The following CRB1 variants were observed in gnomAD, a reference collection of about 807,000 sequenced individuals.
CRB1 encodes the protein crumbs cell polarity complex component 1, also known as protein crumbs homolog 1.
Under a neutral mutation model 120.0 loss-of-function variants are expected in CRB1, and 83 were observed. That is an observed-to-expected ratio of 0.69 (90% CI 0.58 to 0.83). The LOEUF (loss-of-function observed/expected upper bound fraction) is 0.83. CRB1 is among the 40% of genes least tolerant of loss of function. CRB1 has a pLI of 0.00. For missense variants in CRB1, 1,699 were observed against 1,687.6 expected (o/e 1.01, Z -0.12); for synonymous variants, 625 against 612.5 (o/e 1.02, Z -0.30).
At chr1:197,434,599 G>A in intron 8 of CRB1, 107 bp from the exon 9 acceptor site, 1 of 1,017,410 alleles carries the variant, frequency 9.8e-7, no homozygotes, top group Non-Finnish European at 1.5e-6. Context: ...GTATCAAATA[G>A]TCAATATGCA....
chr1:197,470,229 G>T (rs925053394), intron 11 of CRB1, among the ~76,000 whole-genome samples: 7 of 152,176 alleles, frequency 4.6e-5, no homozygotes, highest in Admixed American at 4.6e-4. Flanking sequence ...ATCTGCACCT[G>T]AATGGGGCTT....
chr1:197,283,845 T>G (rs1466808071), intron 1 of CRB1, among the ~76,000 whole-genome samples: 1 of 151,510 alleles, frequency 6.6e-6, no homozygotes, highest in African/African-American at 2.4e-5. Context: ...ATAATTTAGT[T>G]ATTCAAACAA....
At chr1:197,258,436 CAT>C in the CRB1 span, among the ~76,000 whole-genome samples, 1 of 152,148 alleles carries the variant, frequency 6.6e-6, no homozygotes, top group Non-Finnish European at 1.5e-5. Flanking sequence ...TCAATTCACT[CAT>C]AAAAATAACT....
the CRB1 span, among the ~76,000 whole-genome samples, chr1:197,260,102 G>A: frequency 6.6e-6 from 1 of 151,884 alleles, no homozygotes; most frequent in African/African-American, 2.4e-5. Flanking sequence ...CACAAACTGA[G>A]ATTGCGCTAC....
In CRB1 at chr1:197,477,969, T is replaced by C. The variant is rs1571646165; in HGVS notation, c.*90T>C. The C allele has an allele frequency of 7.8e-7, 1 of 1,282,328 alleles. No homozygotes were observed. Among genetic ancestry groups the C allele is most frequent in the East Asian group, 2.3e-5 (1 of 43,254 alleles). The allele number at this position is 1,282,328 out of a possible 1,614,324, so 79.4% of individuals were successfully genotyped here. On this transcript the variant is annotated 3_prime_UTR_variant, in exon 12 of 12. Transcript: ENST00000367400. ...TCTCTGACATACCTGACAATGTTAA[T>C]CTGCAACTGGGATTACACTGGAACT...
At position 197,343,609 on chromosome 1, in the gene CRB1, G is replaced by A. The variant is rs143629245; in HGVS notation, c.653-672G>A. 6.3e-3 allele frequency among the ~76,000 whole-genome samples: 960 copies of A among 152,182 alleles called. 7 individuals are homozygous for A. Among genetic ancestry groups the A allele is most frequent in the Middle Eastern group, 0.027 (8 of 294 alleles). On this transcript the variant is annotated intron_variant, in intron 2 of 11. Coordinates refer to ENST00000367400, the MANE Select transcript of CRB1 (RefSeq NM_201253.3). ...CAAAAAGAAAAATTAAGATAAAAAT[G>A]TCTATGCAAAATGAGCACTTAGATC...
chr1:197,327,269 C>T (rs1658573055), intron 1 of CRB1, among the ~76,000 whole-genome samples: 1 of 152,092 alleles, frequency 6.6e-6, no homozygotes, highest in South Asian at 2.1e-4. Flanking sequence ...ATAATAAAAA[C>T]CACTGAATAC....
the CRB1 span, among the ~76,000 whole-genome samples, chr1:197,205,033 G>A: frequency 6.6e-6 from 1 of 152,116 alleles, no homozygotes; most frequent in Non-Finnish European, 1.5e-5. Flanking sequence ...ATTGTAAAAG[G>A]GTTTGAGTTA....
At chr1:197,273,253 G>A (rs758040510) in intron 1 of CRB1, among the ~76,000 whole-genome samples, 2 of 152,062 alleles carry the variant, frequency 1.3e-5, no homozygotes. Flanking sequence ...TCCTCATGGT[G>A]AAACTGGAGT....
chr1:197,252,972 T>G, the CRB1 span, among the ~76,000 whole-genome samples: 1 of 151,992 alleles, frequency 6.6e-6, no homozygotes, highest in African/African-American at 2.4e-5. Context: ...TGCTAATCCC[T>G]CTGGAAACAC....
chr1:197,214,385 G>C, the CRB1 span, among the ~76,000 whole-genome samples: 1 of 151,956 alleles, frequency 6.6e-6, no homozygotes, highest in Admixed American at 6.6e-5. Context: ...AAAAATAAGA[G>C]TATTCATGAG....
chr1:197,239,083 C>T, the CRB1 span, among the ~76,000 whole-genome samples: 1 of 151,996 alleles, frequency 6.6e-6, no homozygotes, highest in Non-Finnish European at 1.5e-5. Flanking sequence ...GGATATCAAG[C>T]TCTATATAAT....
chr1:197,317,860 G>C (rs2125284354), intron 1 of CRB1, among the ~76,000 whole-genome samples: 2 of 151,218 alleles, frequency 1.3e-5, no homozygotes, highest in East Asian at 3.9e-4. Flanking sequence ...ATTGATTAAA[G>C]ACTTAAACAT....
At chr1:197,295,207 A>G (rs78726520) in intron 1 of CRB1, among the ~76,000 whole-genome samples, 1 of 151,936 alleles carries the variant, frequency 6.6e-6, no homozygotes, top group African/African-American at 2.4e-5. Context: ...TCCTTTTTCA[A>G]TGGTCTTTAA....
the CRB1 span, among the ~76,000 whole-genome samples, chr1:197,207,137 A>G: frequency 6.6e-6 from 1 of 152,064 alleles, no homozygotes; most frequent in Non-Finnish European, 1.5e-5. Context: ...GAAGACAGCA[A>G]ACACTTGGTT....
the CRB1 span, among the ~76,000 whole-genome samples, chr1:197,245,166 T>A: frequency 1.3e-5 from 2 of 152,220 alleles, no homozygotes; most frequent in Admixed American, 1.3e-4. Flanking sequence ...ACCCATTAAC[T>A]CGTCATTGAA....
chr1:197,341,442 C>T (rs1659453373), intron 2 of CRB1, among the ~76,000 whole-genome samples: 1 of 151,926 alleles, frequency 6.6e-6, no homozygotes, highest in Non-Finnish European at 1.5e-5. Context: ...ACTTGGAAGG[C>T]TGAGGCATGA....
the CRB1 span, among the ~76,000 whole-genome samples, chr1:197,227,975 C>T: frequency 1.3e-5 from 2 of 152,184 alleles, no homozygotes; most frequent in Non-Finnish European, 2.9e-5. Flanking sequence ...CCTCTGAAAC[C>T]ATGGGCTGAG....
At chr1:197,241,352 T>C in the CRB1 span, among the ~76,000 whole-genome samples, 4 of 152,228 alleles carry the variant, frequency 2.6e-5, no homozygotes, top group African/African-American at 9.6e-5. Context: ...TTTCAGTCTT[T>C]AATCCATCTT....
Sources: allele counts gnomAD v4.1 joint callset (sites outside exome capture counted in the v4.1 genomes callset), GRCh38; gene constraint gnomAD v4.1.1; transcripts MANE v1.5; gene names NCBI Gene and HGNC (gene_info 2026-07-23, HGNC 2026-07-21).